Variants in KCNH1 observed in about 807,000 individuals in gnomAD.
The protein encoded by KCNH1 is voltage-gated delayed rectifier potassium channel KCNH1.
In KCNH1, 27 loss-of-function variants were observed where a neutral mutation model predicts 69.2. The ratio of observed to expected loss-of-function variants is 0.39; its 90% confidence interval spans 0.29 to 0.54. KCNH1 has a LOEUF of 0.54. Ranked by LOEUF, KCNH1 falls within the 20% of genes least tolerant of loss-of-function variation. KCNH1 has a pLI of 0.68. For synonymous variants in KCNH1, 456 were observed against 487.7 expected (o/e 0.93, Z 0.86); for missense variants, 798 against 1,261.6 (o/e 0.63, Z 5.57).
Position 211,096,225 on chromosome 1 carries a change from G to A in KCNH1, c.311-5535C>T, listed in dbSNP as rs182003018. Among the ~76,000 whole-genome samples the A allele has an allele frequency of 4.5e-4, 69 of 152,026 alleles. 1 individual carries two copies. In the East Asian group the frequency reaches 9.3e-3, roughly 20 times the overall value. On this transcript the variant is annotated intron_variant, in intron 3 of 10. Coordinates refer to ENST00000271751, the MANE Select transcript of KCNH1 (RefSeq NM_172362.3). ...ATTATAGGTGCCCACCACCGCACCC[G>A]GCTAATTTTTGTATTTTTAGTAGAG... is the stretch of plus-strand genomic sequence containing the variant.
At chr1:210,728,704 G>A (rs1403491312) in intron 10 of KCNH1, among the ~76,000 whole-genome samples, 2 of 152,362 alleles carry the variant, frequency 1.3e-5, no homozygotes, top group South Asian at 2.1e-4. Context: ...TTAGCAACAG[G>A]AGGAGCCAGT....
intron 1 of KCNH1, among the ~76,000 whole-genome samples, chr1:211,116,107 G>A (rs1163051942): frequency 6.6e-6 from 1 of 152,086 alleles, no homozygotes; most frequent in African/African-American, 2.4e-5. Flanking sequence ...CTGCAATCCA[G>A]CCTGGGCAAC....
chr1:210,964,449 T>C (rs986593913), intron 6 of KCNH1, among the ~76,000 whole-genome samples: 4 of 151,786 alleles, frequency 2.6e-5, no homozygotes, highest in Non-Finnish European at 5.9e-5. Context: ...ATTAAAAAAC[T>C]ACCATCAGAG....
At chr1:210,779,437 C>T (rs1322892869) in intron 9 of KCNH1, among the ~76,000 whole-genome samples, 1 of 152,156 alleles carries the variant, frequency 6.6e-6, no homozygotes, top group Non-Finnish European at 1.5e-5. Flanking sequence ...GAACATTTGG[C>T]AAGCTGCTTG....
chr1:210,737,924 CT>C (rs1161131482), intron 10 of KCNH1, among the ~76,000 whole-genome samples: 2 of 152,212 alleles, frequency 1.3e-5, no homozygotes. Context: ...CCAAATTTAT[CT>C]TTCAAAATTT....
At chr1:210,767,884 T>C (rs1683669889) in intron 10 of KCNH1, among the ~76,000 whole-genome samples, 1 of 152,218 alleles carries the variant, frequency 6.6e-6, no homozygotes, top group Admixed American at 6.5e-5. Flanking sequence ...TATTAAAAGA[T>C]AAGTTACAAC....
At chr1:210,712,187 C>A (rs913568271) in intron 10 of KCNH1, among the ~76,000 whole-genome samples, 3 of 152,176 alleles carry the variant, frequency 2.0e-5, no homozygotes, top group Non-Finnish European at 4.4e-5. Flanking sequence ...CTCCAGAATC[C>A]ATAAAAGGAA....
At chr1:211,069,719 GT>G (rs1349373284) in intron 5 of KCNH1, among the ~76,000 whole-genome samples, 1 of 151,874 alleles carries the variant, frequency 6.6e-6, no homozygotes, top group African/African-American at 2.4e-5. Flanking sequence ...AAAAAAATTT[GT>G]GGCTACAAAA....
In KCNH1 at chr1:210,680,888, G is replaced by C. The variant is rs1681248293; in HGVS notation, c.*2393C>G. On this transcript the variant is annotated 3_prime_UTR_variant, in exon 11 of 11. Coordinates refer to ENST00000271751, the MANE Select transcript of KCNH1 (RefSeq NM_172362.3). ...CCCAAGAACATGTCTGGACTTCAAA[G>C]CCTTATACCATCTTTGCCCCTCATA... 1 of 152,176 alleles carries C rather than the reference G, an allele frequency of 6.6e-6. No individual in the cohort carries two copies. Among genetic ancestry groups the C allele is most frequent in the African/African-American group, 2.4e-5 (1 of 41,444 alleles). The allele number at this position is 152,176 out of a possible 1,614,324, so 9.4% of individuals were successfully genotyped here. A position where few individuals can be genotyped will look rare whatever the true frequency, so the allele number is the denominator to read the frequency against.
intron 6 of KCNH1, among the ~76,000 whole-genome samples, chr1:210,928,015 A>T (rs1687608261): frequency 6.6e-6 from 1 of 152,198 alleles, no homozygotes. Flanking sequence ...AAATATGACA[A>T]TTCTAAATAT....
intron 6 of KCNH1, among the ~76,000 whole-genome samples, chr1:210,961,478 C>T (rs1417991806): frequency 6.6e-6 from 1 of 152,126 alleles, no homozygotes; most frequent in African/African-American, 2.4e-5. Flanking sequence ...TCTGATGAGT[C>T]CTTTTTATAT....
At chr1:210,968,738 G>T (rs1220859909) in intron 6 of KCNH1, among the ~76,000 whole-genome samples, 1 of 151,768 alleles carries the variant, frequency 6.6e-6, no homozygotes, top group Non-Finnish European at 1.5e-5. Context: ...TTGTAAATTT[G>T]TTTGTGTTCA....
chr1:210,795,126 T>TTTGTTG (rs141102001), intron 9 of KCNH1, among the ~76,000 whole-genome samples: 1 of 151,226 alleles, frequency 6.6e-6, no homozygotes, highest in Non-Finnish European at 1.5e-5. Context: ...TTTGCTTGTT[T>TTTGTTG]TTGTTGTTGT....
chr1:211,036,967 T>C (rs1403567479), intron 5 of KCNH1, among the ~76,000 whole-genome samples: 1 of 152,164 alleles, frequency 6.6e-6, no homozygotes, highest in Non-Finnish European at 1.5e-5. Context: ...GAGGAAGTGC[T>C]CATTAAAGGC....
At chr1:211,040,025 T>TA (rs908108356) in intron 5 of KCNH1, among the ~76,000 whole-genome samples, 1 of 151,684 alleles carries the variant, frequency 6.6e-6, no homozygotes, top group Admixed American at 6.6e-5. Flanking sequence ...CCGTCTCTAC[T>TA]AAAAAAATAC....
chr1:211,108,934 C>T (rs1691409298), intron 1 of KCNH1, among the ~76,000 whole-genome samples: 1 of 152,128 alleles, frequency 6.6e-6, no homozygotes, highest in African/African-American at 2.4e-5. Flanking sequence ...GGTCCCTGCA[C>T]TCAAGGAACT....
intron 6 of KCNH1, among the ~76,000 whole-genome samples, chr1:210,993,965 A>G (rs1233544664): frequency 6.8e-6 from 1 of 146,334 alleles, no homozygotes; most frequent in African/African-American, 2.6e-5. Flanking sequence ...TTCAAAGAAA[A>G]GAAAAAATGT....
At chr1:210,902,083 C>T (rs1440824736) in intron 7 of KCNH1, among the ~76,000 whole-genome samples, 2 of 152,092 alleles carry the variant, frequency 1.3e-5, no homozygotes, top group Non-Finnish European at 2.9e-5. Flanking sequence ...GATGAACAGA[C>T]TCCAAGGAAA....
At chr1:210,697,120 AT>A (rs1325909525) in intron 10 of KCNH1, among the ~76,000 whole-genome samples, 7 of 152,208 alleles carry the variant, frequency 4.6e-5, no homozygotes, top group Non-Finnish European at 1.0e-4. Flanking sequence ...AAGTCTGCTG[AT>A]ATCCAAACTT....
Sources: allele counts gnomAD v4.1 joint callset (sites outside exome capture counted in the v4.1 genomes callset), GRCh38; gene constraint gnomAD v4.1.1; transcripts MANE v1.5; gene names NCBI Gene and HGNC (gene_info 2026-07-23, HGNC 2026-07-21).